The following ARHGEF1 variants were observed in gnomAD, a reference collection of about 807,000 sequenced individuals.
The protein encoded by ARHGEF1 is Rho guanine nucleotide exchange factor 1, also known as 115 kDa guanine nucleotide exchange factor.
A neutral mutation model predicts 119.7 loss-of-function variants in ARHGEF1; 40 were observed. The observed-to-expected ratio is 0.33, with a 90% CI of 0.26 to 0.44. The LOEUF is 0.44. Among genes scored for constraint, ARHGEF1 ranks in the 20% least tolerant of loss-of-function variants. The pLI is 1.00. For missense variants in ARHGEF1, 976 were observed against 1,268.3 expected (o/e 0.77, Z 3.50); for synonymous variants, 494 against 521.0 (o/e 0.95, Z 0.71).
chr19:41,927,244 A>G (rs1451765783), intron 1 of ARHGEF1, among the ~76,000 whole-genome samples: 3 of 152,090 alleles, frequency 2.0e-5, no homozygotes, highest in Non-Finnish European at 4.4e-5. Flanking sequence ...ACAGTGGTGG[A>G]ATGATAGAAA....
Position 41,888,341 on chromosome 19 carries a change from C to T in ARHGEF1, c.111+63C>T. ...CTCAGTGTCCCGCCCCAGGTCCCCTCCCACCTGCAGATGCTGTCTTCTTGG... is the reference window on the plus strand; with the variant it reads ...CTCAGTGTCCCGCCCCAGGTCCCCTTCCACCTGCAGATGCTGTCTTCTTGG... On this transcript the variant is annotated intron_variant, in intron 3 of 28. Transcript: ENST00000354532. This position sits in a 1 kb window ranked among gnomAD's most constrained non-coding sequence, Gnocchi z 5.1. 2 of 1,510,710 alleles carry T rather than the reference C, an allele frequency of 1.3e-6. No homozygotes were observed. Among genetic ancestry groups the T allele is most frequent in the Non-Finnish European group, 1.8e-6 (2 of 1,095,208 alleles). The allele number at this position is 1,510,710 out of a possible 1,614,324, so 93.6% of individuals were successfully genotyped here. A position where few individuals can be genotyped will look rare whatever the true frequency, so the allele number is the denominator to read the frequency against.
In ARHGEF1 at chr19:41,905,596, G is replaced by GTGTCTTCCATTGTCTGGGCCTC; in HGVS notation, c.2337-162_2337-141dup. On this transcript the variant is annotated intron_variant, in intron 24 of 28. Coordinates refer to ENST00000354532, the MANE Select transcript of ARHGEF1 (RefSeq NM_004706.4). The surrounding 1 kb of genome is among the most constrained non-coding windows in gnomAD (Gnocchi z 6.4). The stretch of plus-strand genomic sequence containing the variant: ...GTCTGTCTCCTGTCTCCAGGCCTCT[G>GTGTCTTCCATTGTCTGGGCCTC]TGTCTTCCATTGTCTGGGCCTCTCT... 1 of 705,828 alleles carries GTGTCTTCCATTGTCTGGGCCTC rather than the reference G, an allele frequency of 1.4e-6. No individual in the cohort carries two copies. Among genetic ancestry groups the GTGTCTTCCATTGTCTGGGCCTC allele is most frequent in the East Asian group, 2.7e-5 (1 of 36,992 alleles). 43.7% of individuals were successfully genotyped at this position (705,828 alleles called of 1,614,324 possible). A position where few individuals can be genotyped will look rare whatever the true frequency, so the allele number is the denominator to read the frequency against.
downstream of ARHGEF1, among the ~76,000 whole-genome samples, chr19:41,911,808 A>G (rs2074753365): frequency 6.6e-6 from 1 of 152,048 alleles, no homozygotes; most frequent in South Asian, 2.1e-4. Context: ...CACACCCTCA[A>G]ATATGTTGTA....
downstream of ARHGEF1, among the ~76,000 whole-genome samples, chr19:41,910,826 G>A (rs2074747574): frequency 6.6e-6 from 1 of 152,152 alleles, no homozygotes; most frequent in Non-Finnish European, 1.5e-5. The surrounding 1 kb of genome is among the most constrained non-coding windows in gnomAD (Gnocchi z 4.4). Flanking sequence ...ACACCGGAGT[G>A]CCACACTCAT....
At chr19:41,919,288 C>T (rs2074823301), upstream of ARHGEF1, among the ~76,000 whole-genome samples, 1 of 152,196 alleles carries the variant, frequency 6.6e-6, no homozygotes, top group African/African-American at 2.4e-5. Flanking sequence ...AACAGCTTCA[C>T]ACACAGACTT....
chr19:41,894,500 T>A lies in ARHGEF1; in HGVS notation c.794T>A (p.Leu265Gln). 1 of 1,601,804 alleles carries A rather than the reference T, an allele frequency of 6.2e-7. No homozygotes were observed. Among genetic ancestry groups the A allele is most frequent in the Non-Finnish European group, 8.5e-7 (1 of 1,172,878 alleles). Residue 265 changes from leucine to glutamine, a missense_variant, in exon 10 of 29, where the codon CTG (leucine) becomes CAG (glutamine). Physicochemically the swap from Leu to Gln is moderately radical, Grantham distance 113 (BLOSUM62 -2). Around this residue, in one of 3 missense-constraint regions of ARHGEF1, gnomAD observed 519 missense variants for 580.9 expected, o/e 0.89. Transcript: ENST00000354532. ...SDEPAKTKKGLSSILDAARWN... is the reference protein window; with the variant it reads ...SDEPAKTKKGQSSILDAARWN... ...GAGCCTGCCAAGACCAAGAAGGGGC[T>A]GAGCAGCATCCTGGATGCCGCCCGC... is the stretch of plus-strand genomic sequence containing the variant.
chr19:41,906,394 C>T lies in ARHGEF1; in HGVS notation c.2492-63C>T. ...CCCTACACATCCCCTTTGGAATCCC[C>T]CATCCCAGATCCCAGCCCAGCCCCC... On this transcript the variant is annotated intron_variant, in intron 26 of 28. Transcript: ENST00000354532. This position sits in a 1 kb window ranked among gnomAD's most constrained non-coding sequence, Gnocchi z 4.5. 1 of 1,481,302 alleles carries T rather than the reference C, an allele frequency of 6.8e-7. No homozygotes were observed. Among genetic ancestry groups the T allele is most frequent in the South Asian group, 1.4e-5 (1 of 72,520 alleles). 91.8% of individuals were successfully genotyped at this position (1,481,302 alleles called of 1,614,324 possible).
chr19:41,905,880 G>C lies in ARHGEF1; in HGVS notation c.2404+53G>C. 6.2e-7 allele frequency: 1 copy of C among 1,613,600 alleles called. No homozygotes were observed. Among genetic ancestry groups the C allele is most frequent in the Non-Finnish European group, 8.5e-7 (1 of 1,179,512 alleles). The stretch of plus-strand genomic sequence containing the variant: ...GGCCAGGTTGGGGCTGCCGGGTGAA[G>C]AGAGGCATCCACAGGAGGCCCGGCA... On this transcript the variant is annotated intron_variant, in intron 25 of 28. Coordinates refer to ENST00000354532, the MANE Select transcript of ARHGEF1 (RefSeq NM_004706.4). This position sits in a 1 kb window ranked among gnomAD's most constrained non-coding sequence, Gnocchi z 6.4.
In ARHGEF1 at chr19:41,888,240, G is replaced by C. The variant is rs1255572676; in HGVS notation, c.73G>C (p.Gly25Arg). 6.2e-7 allele frequency: 1 copy of C among 1,613,990 alleles called. No homozygotes were observed. Among genetic ancestry groups the C allele is most frequent in the African/African-American group, 1.3e-5 (1 of 75,002 alleles). ...RPGLVPVSII[G>R]AEDEDFENEL... is the part of the protein sequence containing the mutation. ...TGGCCTGGTTCCCGTCAGCATCATCGGGGCTGAGGATGAGGATTTTGAGAA... is the reference window on the plus strand; with the variant it reads ...TGGCCTGGTTCCCGTCAGCATCATCCGGGCTGAGGATGAGGATTTTGAGAA... Residue 25 changes from glycine (G) to arginine (R), a missense_variant, in exon 3 of 29, where the codon GGG (glycine) becomes CGG (arginine). Gly to Arg is a moderately radical substitution (Grantham distance 125). Transcript: ENST00000354532. The surrounding 1 kb of genome is among the most constrained non-coding windows in gnomAD (Gnocchi z 5.1).
Position 41,902,764 on chromosome 19 carries a change from C to T in ARHGEF1, c.1624-20C>T. 1 of 1,613,354 alleles carries T rather than the reference C, an allele frequency of 6.2e-7. No homozygotes were observed. Among genetic ancestry groups the T allele is most frequent in the Non-Finnish European group, 8.5e-7 (1 of 1,179,934 alleles). On this transcript the variant is annotated intron_variant, in intron 17 of 28. Coordinates refer to ENST00000354532, the MANE Select transcript of ARHGEF1 (RefSeq NM_004706.4). This position sits in a 1 kb window ranked among gnomAD's most constrained non-coding sequence, Gnocchi z 6.5. ...GAGCCCAAAGCCTGGGCCATCGCAA[C>T]ACCAGCATGTTTCCCGCAGGAAGCT... is the stretch of plus-strand genomic sequence containing the variant.
chr19:41,907,584 C>A (rs2145876846), downstream of ARHGEF1: 3 of 631,118 alleles, frequency 4.8e-6, no homozygotes, highest in South Asian at 4.2e-5. Context: ...TCATTCATTT[C>A]TTTGTTTGAA....
intron 14 of ARHGEF1, among the ~76,000 whole-genome samples, chr19:41,901,266 C>T (rs1355770729): frequency 2.6e-5 from 4 of 152,054 alleles, no homozygotes; most frequent in Non-Finnish European, 5.9e-5. Flanking sequence ...TCTCCTGCCT[C>T]AGCCTCCCGA....
chr19:41,888,647 G>A lies in ARHGEF1; in HGVS notation c.112-105G>A. ...TGTCACCACTCCCCACTTCCCAGGAGCTAACCCTGGCTTGGATCCCTTGTG... is the reference window on the plus strand; with the variant it reads ...TGTCACCACTCCCCACTTCCCAGGAACTAACCCTGGCTTGGATCCCTTGTG... On this transcript the variant is annotated intron_variant, in intron 3 of 28. Transcript: ENST00000354532. The surrounding 1 kb of genome is among the most constrained non-coding windows in gnomAD (Gnocchi z 5.1). 2 of 1,075,494 alleles carry A rather than the reference G, an allele frequency of 1.9e-6. No individual in the cohort carries two copies. The highest frequency in any genetic ancestry group is 2.8e-6 in the Non-Finnish European group (2 of 721,276). 66.6% of individuals were successfully genotyped at this position (1,075,494 alleles called of 1,614,324 possible). A position where few individuals can be genotyped will look rare whatever the true frequency, so the allele number is the denominator to read the frequency against.
At position 41,914,423 on chromosome 19, in the gene ARHGEF1, C is replaced by T. The variant is rs575135659; in HGVS notation, c.1865+7620C>T. Among the ~76,000 whole-genome samples, 16 of 152,000 alleles carry T rather than the reference C, an allele frequency of 1.1e-4. No homozygotes were observed. The East Asian group carries it at 1.5e-3, about 15-fold the overall frequency. On this transcript the variant is annotated intron_variant, in intron 18 of 20. Transcript: ENST00000599589. Reference sequence around the variant, plus strand: ...CTCTCGTCTCCATCTCCTCCTCCACCCCTCAGTCTCTTCCCTGTTTCTCCA... The same window carrying T: ...CTCTCGTCTCCATCTCCTCCTCCACTCCTCAGTCTCTTCCCTGTTTCTCCA...
At chr19:41,907,997 C>G (rs1324502863), downstream of ARHGEF1, 4 of 408,196 alleles carry the variant, frequency 9.8e-6, no homozygotes, top group Non-Finnish European at 1.3e-5. Context: ...GGGGACCCCC[C>G]TCAAACTGGA....
intron 18 of ARHGEF1, chr19:41,912,887 G>A: frequency 8.1e-7 from 1 of 1,231,586 alleles, no homozygotes; most frequent in Non-Finnish European, 1.0e-6. Flanking sequence ...CGGGCGGGGC[G>A]AAGAGAAGGT....
At chr19:41,884,353 G>T in intron 1 of ARHGEF1, 1 of 1,449,068 alleles carries the variant, frequency 6.9e-7, no homozygotes, top group Non-Finnish European at 9.4e-7. Flanking sequence ...AGAGCGGCTG[G>T]CAGGAGGAGT....
chr19:41,903,282 G>T lies in ARHGEF1; in HGVS notation c.1739-25G>T. 1.2e-6 allele frequency: 2 copies of T among 1,609,532 alleles called. No homozygotes were observed. The highest frequency in any genetic ancestry group is 1.1e-5 in the South Asian group (1 of 90,954). The stretch of plus-strand genomic sequence containing the variant: ...GAGCCTCCAGGGCAGGGGTTCACCA[G>T]AGCTGCTCTCTCCCTTGCCTGCAGA... On this transcript the variant is annotated intron_variant, in intron 18 of 28. Coordinates refer to ENST00000354532, the MANE Select transcript of ARHGEF1 (RefSeq NM_004706.4). The surrounding 1 kb of genome is among the most constrained non-coding windows in gnomAD (Gnocchi z 4.2).
In ARHGEF1 at chr19:41,902,026, G is replaced by A. The variant is rs1555849120; in HGVS notation, c.1407G>A (p.Glu469=). The A allele has an allele frequency of 1.9e-6, 3 of 1,614,062 alleles. No individual in the cohort carries two copies. The highest frequency in any genetic ancestry group is 2.7e-5 in the African/African-American group (2 of 75,028). ...NIFPSLDELI[E]VHSLFLDRLM... is the part of the protein sequence containing the mutation. ...TCCCCAGCCTGGACGAGCTCATCGA[G>A]GTGCATTGTGAGTGCAGAGCCAGGG... Residue 469 remains glutamate, a synonymous_variant, in exon 15 of 29, where the codon GAG becomes GAA. Coordinates refer to ENST00000354532, the MANE Select transcript of ARHGEF1 (RefSeq NM_004706.4). The surrounding 1 kb of genome is among the most constrained non-coding windows in gnomAD (Gnocchi z 6.5).
Sources: allele counts gnomAD v4.1 joint callset (sites outside exome capture counted in the v4.1 genomes callset), GRCh38; gene constraint gnomAD v4.1.1; regional missense constraint gnomAD v4.1.1; non-coding constraint Gnocchi (gnomAD v3.1); transcripts MANE v1.5; gene names NCBI Gene and HGNC (gene_info 2026-07-23, HGNC 2026-07-21).